Variants in EFCAB14 observed in about 807,000 individuals in gnomAD.
The protein encoded by EFCAB14 is EF-hand calcium-binding domain-containing protein 14.
A neutral mutation model predicts 56.5 loss-of-function variants in EFCAB14; 43 were observed. That is an observed-to-expected ratio of 0.76 (90% CI 0.60 to 0.98). The LOEUF (loss-of-function observed/expected upper bound fraction) is 0.98. Ranked by LOEUF, EFCAB14 falls within the 50% of genes least tolerant of loss-of-function variation. The pLI is 0.00. For synonymous variants in EFCAB14, 235 were observed against 212.9 expected (o/e 1.10, Z -0.90); for missense variants, 538 against 580.3 (o/e 0.93, Z 0.75).
intron 6 of EFCAB14, among the ~76,000 whole-genome samples, chr1:46,688,763 G>A (rs1676930711): frequency 1.3e-5 from 2 of 152,198 alleles, no homozygotes; most frequent in African/African-American, 4.8e-5. Context: ...AAAGAGGGAA[G>A]AGGACTACCT....
chr1:46,695,365 C>T (rs1557444936), intron 4 of EFCAB14, among the ~76,000 whole-genome samples: 3 of 151,878 alleles, frequency 2.0e-5, no homozygotes, highest in Non-Finnish European at 4.4e-5. Context: ...GTCCCTACCC[C>T]TTTTTTTTCC....
rs1474916509 is a variant in EFCAB14 at position 46,676,511 on chromosome 1, C to T, written c.*1950G>A. 6.6e-6 allele frequency: 1 copy of T among 152,472 alleles called. No homozygotes were observed. The highest frequency in any genetic ancestry group is 2.1e-4 in the South Asian group (1 of 4,832). 9.4% of individuals were successfully genotyped at this position (152,472 alleles called of 1,614,324 possible). A position where few individuals can be genotyped will look rare whatever the true frequency, so the allele number is the denominator to read the frequency against. On this transcript the variant is annotated 3_prime_UTR_variant, in exon 11 of 11. Transcript: ENST00000371933. ...ATATAAATCAGTTCTCAAAAAAATA[C>T]CTTCCAGGTACAGACATACTATTTA...
In EFCAB14 at chr1:46,678,585, G is replaced by A; in HGVS notation, c.1364C>T (p.Thr455Ile). 1 of 1,614,088 alleles carries A rather than the reference G, an allele frequency of 6.2e-7. No individual in the cohort carries two copies. The highest frequency in any genetic ancestry group is 8.5e-7 in the Non-Finnish European group (1 of 1,179,990). The change falls in exon 11 of 11, where the codon ACC becomes ATC. Residue 455 changes from threonine (T) to isoleucine (I), a missense_variant. Transcript: ENST00000371933. ...TAGGGAGGTCCAGATTTCCTGGTAGGTCAGCTTCCCATCCACGTCCTGGCC... is the reference window on the plus strand; with the variant it reads ...TAGGGAGGTCCAGATTTCCTGGTAGATCAGCTTCCCATCCACGTCCTGGCC... ...KTGQDVDGKL[T>I]YQEIWTSLGS...
intron 3 of EFCAB14, among the ~76,000 whole-genome samples, chr1:46,703,862 T>C (rs139899887): frequency 7.5e-4 from 115 of 152,318 alleles, no homozygotes; most frequent in Non-Finnish European, 1.0e-3. Flanking sequence ...GTGCCACAAG[T>C]ATAGATTTTG....
At position 46,677,231 on chromosome 1, in the gene EFCAB14, C is replaced by A; in HGVS notation, c.*1230G>T. 6.6e-6 allele frequency: 1 copy of A among 152,362 alleles called. No individual in the cohort carries two copies. Among genetic ancestry groups the A allele is most frequent in the East Asian group, 1.9e-4 (1 of 5,200 alleles). 9.4% of individuals were successfully genotyped at this position (152,362 alleles called of 1,614,324 possible). On this transcript the variant is annotated 3_prime_UTR_variant, in exon 11 of 11. Transcript: ENST00000371933. ...TTAGATTTGAAAAACTTGCTACCACCATGTGAAGGCCCTAGCTCCAGGCCT... is the reference window on the plus strand; with the variant it reads ...TTAGATTTGAAAAACTTGCTACCACAATGTGAAGGCCCTAGCTCCAGGCCT...
rs1677437576 is a variant in EFCAB14 at position 46,718,705 on chromosome 1, AG to A, written c.-619del. On this transcript the variant is annotated 5_prime_UTR_variant, in exon 1 of 11. Transcript: ENST00000371933. Reference sequence around the variant, plus strand: ...CGCAGAGAAAATGCCCTGGCCAGGAAGCCGGCTGGGGTGTGTGATGATCACC... The same window carrying A: ...CGCAGAGAAAATGCCCTGGCCAGGAACCGGCTGGGGTGTGTGATGATCACC... The A allele has an allele frequency of 6.6e-6, 1 of 152,450 alleles. No individual in the cohort carries two copies. The highest frequency in any genetic ancestry group is 1.5e-5 in the Non-Finnish European group (1 of 68,262). 9.4% of individuals were successfully genotyped at this position (152,450 alleles called of 1,614,324 possible).
chr1:46,677,123 T>G lies in EFCAB14; in HGVS notation c.*1338A>C, dbSNP rs1339210991. 6.6e-6 allele frequency: 1 copy of G among 152,592 alleles called. No individual in the cohort carries two copies. The highest frequency in any genetic ancestry group is 1.5e-5 in the Non-Finnish European group (1 of 68,036). The allele number at this position is 152,592 out of a possible 1,614,324, so 9.5% of individuals were successfully genotyped here. On this transcript the variant is annotated 3_prime_UTR_variant, in exon 11 of 11. Transcript: ENST00000371933. ...TTCTAGACTCAACATACAGGAGACA[T>G]GGAGGTATTATTCCTTTCAATCTAG... is the stretch of plus-strand genomic sequence containing the variant.
chr1:46,718,088 CTTTT>C lies in EFCAB14; in HGVS notation c.-5_-2del. 6.2e-7 allele frequency: 1 copy of C among 1,613,562 alleles called. No homozygotes were observed. The highest frequency in any genetic ancestry group is 8.5e-7 in the Non-Finnish European group (1 of 1,179,632). ...CATTGAGCTCTTTGCGCTTTTTCAT[CTTTT>C]TGTGTGGGGTGAGTGGAGCCCCGAC... On this transcript the variant is annotated 5_prime_UTR_variant, in exon 1 of 11. Transcript: ENST00000371933.
intron 2 of EFCAB14, among the ~76,000 whole-genome samples, chr1:46,711,722 A>G (rs1424723270): frequency 2.6e-5 from 4 of 152,348 alleles, no homozygotes; most frequent in South Asian, 4.1e-4. Context: ...CCTAATCTTT[A>G]AGATGAGGAA....
chr1:46,708,032 G>A lies in EFCAB14; in HGVS notation c.354C>T (p.Ser118=). 6.2e-7 allele frequency: 1 copy of A among 1,611,768 alleles called. No homozygotes were observed. ...KFRTMESNQK[S]SFQEIPKLNE... is the part of the protein sequence containing the mutation. ...TAAGTTTGGGGATTTCTTGGAATGA[G>A]CTTTTCTGATTAGATTCCACTAAAA... is the stretch of plus-strand genomic sequence containing the variant. The change falls in exon 3 of 11, where the codon AGC becomes AGT. Residue 118 remains serine (S), a synonymous_variant. Transcript: ENST00000371933.
At chr1:46,702,532 C>T (rs1181399982) in intron 3 of EFCAB14, among the ~76,000 whole-genome samples, 2 of 151,928 alleles carry the variant, frequency 1.3e-5, no homozygotes, top group African/African-American at 4.9e-5. Context: ...TTCTTTGAAC[C>T]TCAGTGTTCT....
intron 3 of EFCAB14, among the ~76,000 whole-genome samples, chr1:46,698,018 AT>A (rs1677101663): frequency 6.6e-6 from 1 of 151,856 alleles, no homozygotes; most frequent in Non-Finnish European, 1.5e-5. Context: ...CACCTGGCAA[AT>A]TTTTGCATTT....
At chr1:46,696,316 T>C (rs1164418212) in intron 4 of EFCAB14, among the ~76,000 whole-genome samples, 1 of 152,146 alleles carries the variant, frequency 6.6e-6, no homozygotes, top group East Asian at 1.9e-4. Flanking sequence ...TGAACCCATA[T>C]AAATCACAGC....
Position 46,691,844 on chromosome 1 carries a change from A to G in EFCAB14, c.673T>C (p.Leu225=). ...CTCCTTACCATATCACTCTGCAGTA[A>G]TTCCATCGTTTTCTTGTGTTCATCC... ...TVDEHKKTME[L]LQSDMNQHFL... is the part of the protein sequence containing the mutation. Residue 225 remains leucine, a synonymous_variant, in exon 5 of 11, where the codon TTA becomes CTA. Transcript: ENST00000371933. 1 of 1,613,364 alleles carries G rather than the reference A, an allele frequency of 6.2e-7. No homozygotes were observed. The highest frequency in any genetic ancestry group is 8.5e-7 in the Non-Finnish European group (1 of 1,179,586).
chr1:46,717,008 A>G (rs1043698134), intron 1 of EFCAB14, among the ~76,000 whole-genome samples: 1 of 152,180 alleles, frequency 6.6e-6, no homozygotes, highest in Non-Finnish European at 1.5e-5. Flanking sequence ...ACAAAACATC[A>G]ACCAACCTTC....
At chr1:46,678,699 T>G in intron 10 of EFCAB14, 63 bp from the exon 11 acceptor site, 5 of 1,464,034 alleles carry the variant, frequency 3.4e-6, no homozygotes, top group Non-Finnish European at 3.7e-6. Context: ...TAGTTAAAAG[T>G]AGTCTCAACT....
At chr1:46,684,919 G>C (rs955551776) in intron 8 of EFCAB14, among the ~76,000 whole-genome samples, 1 of 152,188 alleles carries the variant, frequency 6.6e-6, no homozygotes, top group South Asian at 2.1e-4. Flanking sequence ...GTGCCTATGC[G>C]ACACCCATTT....
At chr1:46,715,398 T>A (rs1677372419) in intron 2 of EFCAB14, among the ~76,000 whole-genome samples, 1 of 152,162 alleles carries the variant, frequency 6.6e-6, no homozygotes, top group Admixed American at 6.5e-5. Flanking sequence ...GAGCACAAAA[T>A]AATAAAAATA....
chr1:46,685,276 C>T (rs1384827032), intron 8 of EFCAB14: 1 of 152,190 alleles, frequency 6.6e-6, no homozygotes. Context: ...TATACAAATA[C>T]ATTTAATTAT....
Sources: gnomAD v4.1 joint callset for allele counts (sites outside exome capture counted in the v4.1 genomes callset) on GRCh38, gnomAD v4.1.1 for gene constraint, MANE v1.5 for transcripts, NCBI Gene and HGNC (gene_info 2026-07-23, HGNC 2026-07-21) for gene names.